The following NHSL2 variants were observed in gnomAD, a reference collection of about 807,000 sequenced individuals.
The protein encoded by NHSL2 is NHS-like protein 2.
A neutral mutation model predicts 53.4 loss-of-function variants in NHSL2; 27 were observed. The ratio of observed to expected loss-of-function variants is 0.51; its 90% CI spans 0.37 to 0.70. The LOEUF is 0.70. Among genes scored for constraint, NHSL2 ranks in the 30% least tolerant of loss-of-function variants. The pLI is 0.00. For synonymous variants in NHSL2, 408 were observed against 404.1 expected, an observed-to-expected ratio of 1.01 and a Z score of -0.12; for missense variants, 892 against 980.1, an observed-to-expected ratio of 0.91 and a Z score of 1.20.
chrX:71,983,855 G>A (rs985019121), intron 1 of NHSL2, among the ~76,000 whole-genome samples: 2 of 111,515 alleles, frequency 1.8e-5, no homozygotes, highest in African/African-American at 6.5e-5. Context: ...CACTCTCATC[G>A]CCATCTTGGT....
chrX:71,923,064 G>A (rs1367480599), intron 1 of NHSL2, among the ~76,000 whole-genome samples: 1 of 111,856 alleles, frequency 8.9e-6, no homozygotes, highest in African/African-American at 3.3e-5. Flanking sequence ...TGGGGTGTGG[G>A]GTCATGAGGG....
intron 1 of NHSL2, among the ~76,000 whole-genome samples, chrX:71,962,260 A>G (rs111434087): frequency 0.051 from 5,711 of 111,699 alleles, 184 homozygotes; most frequent in East Asian, 0.28. Flanking sequence ...TATAAGGGAT[A>G]TTGATCTGTA....
intron 1 of NHSL2, among the ~76,000 whole-genome samples, chrX:71,947,922 A>C (rs1285136960): frequency 9.0e-6 from 1 of 111,584 alleles, no homozygotes; most frequent in African/African-American, 3.3e-5. Context: ...GAGGGATAAA[A>C]GACTACATAC....
chrX:72,115,583 A>G (rs2042132470), intron 1 of NHSL2, among the ~76,000 whole-genome samples: 1 of 111,430 alleles, frequency 9.0e-6, no homozygotes, highest in Non-Finnish European at 1.9e-5. Context: ...GCAGCCTGAC[A>G]GCCAGGAACT....
intron 1 of NHSL2, among the ~76,000 whole-genome samples, chrX:72,012,880 T>C (rs2042121558): frequency 8.9e-6 from 1 of 112,483 alleles, no homozygotes; most frequent in African/African-American, 3.2e-5. Context: ...TTCTCTACTC[T>C]GTTTCATTGA....
intron 1 of NHSL2, chrX:72,130,840 G>C (rs781206301): frequency 1.1e-5 from 13 of 1,211,517 alleles, no homozygotes; most frequent in Non-Finnish European, 1.3e-5. Flanking sequence ...AGCCACACGT[G>C]GGGGGATGGG....
intron 1 of NHSL2, among the ~76,000 whole-genome samples, chrX:72,000,987 T>C (rs2042070279): frequency 8.9e-6 from 1 of 111,863 alleles, no homozygotes; most frequent in South Asian, 3.7e-4. Flanking sequence ...TTCTCCTGCC[T>C]CACCTGTCAT....
chrX:72,031,884 T>G (rs1399278118), intron 1 of NHSL2, among the ~76,000 whole-genome samples: 1 of 112,016 alleles, frequency 8.9e-6, no homozygotes, highest in Non-Finnish European at 1.9e-5. Context: ...TGGTGACCCT[T>G]TACTCAGTTT....
intron 1 of NHSL2, among the ~76,000 whole-genome samples, chrX:72,021,357 T>C (rs982230621): frequency 8.9e-6 from 1 of 112,210 alleles, no homozygotes; most frequent in African/African-American, 3.3e-5. Context: ...TTCCCTCCAG[T>C]TCACTGCCTG....
chrX:72,141,933 C>T (rs1482893050), intron 6 of NHSL2, among the ~76,000 whole-genome samples: 1 of 111,781 alleles, frequency 8.9e-6, no homozygotes, highest in Non-Finnish European at 1.9e-5. Context: ...ACTCCCAGCT[C>T]CTTCATTTGG....
chrX:71,943,627 C>T (rs1465804122), intron 1 of NHSL2, among the ~76,000 whole-genome samples: 1 of 112,334 alleles, frequency 8.9e-6, no homozygotes, highest in Non-Finnish European at 1.9e-5. Context: ...CCGTATATTG[C>T]TTTTTGTGTT....
chrX:71,964,225 C>T lies in NHSL2; in HGVS notation c.280+52858C>T, dbSNP rs1392765930. On this transcript the variant is annotated intron_variant, in intron 1 of 7. Transcript: ENST00000633930. ...GTTATCCCTCCCCTAGCCCCCCACCCCCAACAGGCCCTGGTGTGTGATGTT... is the reference window on the plus strand; with the variant it reads ...GTTATCCCTCCCCTAGCCCCCCACCTCCAACAGGCCCTGGTGTGTGATGTT... Among the ~76,000 whole-genome samples, 5 of 101,205 alleles carry T rather than the reference C, an allele frequency of 4.9e-5. No individual in the cohort carries two copies. The East Asian group carries it at 1.6e-3, about 32-fold the overall frequency. 87.9% of individuals were successfully genotyped at this position (101,205 alleles called of 115,157 possible). A position where few individuals can be genotyped will look rare whatever the true frequency, so the allele number is the denominator to read the frequency against.
At chrX:72,107,705 T>C (rs2042057756) in intron 1 of NHSL2, among the ~76,000 whole-genome samples, 1 of 111,481 alleles carries the variant, frequency 9.0e-6, no homozygotes, top group South Asian at 3.8e-4. Flanking sequence ...GTTGGGACAA[T>C]GTCATAGAGA....
intron 1 of NHSL2, among the ~76,000 whole-genome samples, chrX:72,087,823 G>A (rs556877066): frequency 1.8e-5 from 2 of 111,693 alleles, no homozygotes; most frequent in South Asian, 7.4e-4. Flanking sequence ...AATGAGCCAA[G>A]ATCGCGCCAT....
At chrX:72,037,090 A>C (rs919876118) in intron 1 of NHSL2, among the ~76,000 whole-genome samples, 1 of 106,957 alleles carries the variant, frequency 9.3e-6, no homozygotes, top group African/African-American at 3.4e-5. Flanking sequence ...CTCTTATTTC[A>C]GTCTCCTATT....
rs1175816515 is a variant in NHSL2, at chrX:72,147,339, G to A, written c.*3765G>A. ...ATTCAAAGAGGTGCCCGCTCTCAGG[G>A]CCATGCAAGTGCCTTACCCTCGTCC... On this transcript the variant is annotated 3_prime_UTR_variant, in exon 8 of 8. Coordinates refer to ENST00000633930, the MANE Select transcript of NHSL2 (RefSeq NM_001013627.3). 8.9e-6 allele frequency: 1 copy of A among 112,018 alleles called. No individual in the cohort carries two copies. Among genetic ancestry groups the A allele is most frequent in the Non-Finnish European group, 1.9e-5 (1 of 53,213 alleles). 9.2% of individuals were successfully genotyped at this position (112,018 alleles called of 1,213,427 possible).
intron 1 of NHSL2, chrX:72,131,095 T>G: frequency 2.5e-6 from 3 of 1,208,088 alleles, no homozygotes; most frequent in Non-Finnish European, 2.2e-6. Flanking sequence ...CTCAGGCCGC[T>G]CCAGCGGTGC....
At chrX:71,938,409 A>G (rs943357627) in intron 1 of NHSL2, among the ~76,000 whole-genome samples, 1 of 112,189 alleles carries the variant, frequency 8.9e-6, no homozygotes, top group Non-Finnish European at 1.9e-5. Context: ...ATTTGACCAT[A>G]GAGTCTGACT....
In NHSL2 at chrX:72,144,703, T is replaced by TGC. The variant is rs1221374913; in HGVS notation, c.*1130_*1131dup. 106 of 184,096 alleles carry TGC rather than the reference T, an allele frequency of 5.8e-4. No homozygotes were observed. Among genetic ancestry groups the TGC allele is most frequent in the African/African-American group, 4.8e-3 (98 of 20,629 alleles). 15.2% of individuals were successfully genotyped at this position (184,096 alleles called of 1,213,427 possible). ...TCTTGCCAGTTGCTATGGCCCATAA[T>TGC]GCACACACACACACACACACACACA... On this transcript the variant is annotated 3_prime_UTR_variant, in exon 8 of 8. Coordinates refer to ENST00000633930, the MANE Select transcript of NHSL2 (RefSeq NM_001013627.3).
Sources: gnomAD v4.1 joint callset for allele counts (sites outside exome capture counted in the v4.1 genomes callset) on GRCh38, gnomAD v4.1.1 for gene constraint, MANE v1.5 for transcripts, NCBI Gene and HGNC (gene_info 2026-07-23, HGNC 2026-07-21) for gene names.